Variants in KAZN observed in about 807,000 individuals in gnomAD.
The protein encoded by KAZN is kazrin, periplakin interacting protein.
KAZN carries 40 observed loss-of-function variants against 87.4 expected under a neutral mutation model. That is an observed-to-expected ratio of 0.46 (90% confidence interval 0.36 to 0.60). The LOEUF is 0.60. Among genes scored for constraint, KAZN ranks in the 20% least tolerant of loss-of-function variants. The pLI is 0.00. For missense variants in KAZN, 898 were observed against 1,073.9 expected (o/e 0.84, Z 2.29); for synonymous variants, 466 against 458.3 (o/e 1.02, Z -0.22).
chr1:14,865,353 G>T (rs1651330877), intron 1 of KAZN, among the ~76,000 whole-genome samples: 1 of 152,184 alleles, frequency 6.6e-6, no homozygotes, highest in East Asian at 1.9e-4. Context: ...AAGTTCATTT[G>T]TGCTTTTAAT....
At chr1:14,830,974 C>T (rs1647033535) in intron 1 of KAZN, among the ~76,000 whole-genome samples, 2 of 152,226 alleles carry the variant, frequency 1.3e-5, no homozygotes, top group Non-Finnish European at 2.9e-5. Context: ...CCCCCAGCTC[C>T]AGCCCTTCTC....
intron 2 of KAZN, among the ~76,000 whole-genome samples, chr1:14,327,559 C>T (rs1307590727): frequency 1.3e-5 from 2 of 152,176 alleles, no homozygotes; most frequent in Admixed American, 6.5e-5. Flanking sequence ...TTTCTCAATG[C>T]CTAGAGTCTA....
chr1:14,884,207 C>T (rs1653794569), intron 1 of KAZN, among the ~76,000 whole-genome samples: 1 of 152,078 alleles, frequency 6.6e-6, no homozygotes, highest in African/African-American at 2.4e-5. Flanking sequence ...TCCTGGCCAA[C>T]ATGGTGGAAC....
intron 1 of KAZN, among the ~76,000 whole-genome samples, chr1:14,936,372 G>C (rs1309833090): frequency 6.6e-6 from 1 of 152,194 alleles, no homozygotes; most frequent in Non-Finnish European, 1.5e-5. Flanking sequence ...GGATGCTGGT[G>C]AAGACAGACC....
At chr1:14,030,323 C>T (rs12091637) in intron 1 of KAZN, among the ~76,000 whole-genome samples, 4,870 of 150,428 alleles carry the variant, frequency 0.032, 281 homozygotes, top group African/African-American at 0.11. Flanking sequence ...AGTAAACTAT[C>T]GCAAGAACAA....
intron 1 of KAZN, among the ~76,000 whole-genome samples, chr1:14,781,985 ATCACC>A (rs2100648713): frequency 6.6e-6 from 1 of 152,314 alleles, no homozygotes; most frequent in South Asian, 2.1e-4. Context: ...GACAAGTTCT[ATCACC>A]TCCCTGAGCC....
chr1:14,482,666 A>C (rs1424583593), intron 2 of KAZN, among the ~76,000 whole-genome samples: 2 of 151,892 alleles, frequency 1.3e-5, no homozygotes, highest in African/African-American at 4.8e-5. Context: ...TCTTGGGGCA[A>C]GGGCGGGTGA....
At chr1:14,065,247 C>T (rs1409459023) in intron 1 of KAZN, among the ~76,000 whole-genome samples, 2 of 152,072 alleles carry the variant, frequency 1.3e-5, no homozygotes, top group East Asian at 3.9e-4. Context: ...GTCACATGGA[C>T]GGTGAAGGAA....
intron 1 of KAZN, among the ~76,000 whole-genome samples, chr1:13,971,814 G>A (rs1642146951): frequency 6.6e-6 from 1 of 152,148 alleles, no homozygotes; most frequent in Admixed American, 6.5e-5. Context: ...ATAGTGAATT[G>A]TTGTAAGATC....
chr1:14,345,552 CTG>C (rs757732557), intron 2 of KAZN, among the ~76,000 whole-genome samples: 1 of 152,198 alleles, frequency 6.6e-6, no homozygotes. Context: ...TTCTTTCACA[CTG>C]TGTCTTTAAA....
chr1:14,978,969 A>G (rs903247772), intron 2 of KAZN, among the ~76,000 whole-genome samples: 2 of 151,870 alleles, frequency 1.3e-5, no homozygotes, highest in Non-Finnish European at 2.9e-5. Flanking sequence ...CAATGGCGCA[A>G]TCTCGGCTCA....
chr1:14,618,241 G>C (rs1402719219), intron 1 of KAZN, among the ~76,000 whole-genome samples: 1 of 152,212 alleles, frequency 6.6e-6, no homozygotes, highest in African/African-American at 2.4e-5. Context: ...CTAGTGATGA[G>C]AGTGAGGATT....
chr1:14,100,840 G>A (rs1032136560), intron 1 of KAZN, among the ~76,000 whole-genome samples: 3 of 152,212 alleles, frequency 2.0e-5, no homozygotes, highest in Non-Finnish European at 4.4e-5. Flanking sequence ...GAGGGACCTG[G>A]TGGGAGGTAA....
At chr1:14,298,866 A>G (rs920428080) in intron 2 of KAZN, among the ~76,000 whole-genome samples, 2 of 152,042 alleles carry the variant, frequency 1.3e-5, no homozygotes, top group African/African-American at 4.8e-5. Context: ...TGAATTCAAC[A>G]TTTTCCCTAC....
intron 1 of KAZN, among the ~76,000 whole-genome samples, chr1:14,819,696 G>GA (rs1294323020): frequency 5.1e-5 from 7 of 137,008 alleles, no homozygotes; most frequent in South Asian, 2.4e-4. Flanking sequence ...CAATTCCTTT[G>GA]AAAAAAAATC....
At chr1:14,286,228 A>C (rs6683535) in intron 2 of KAZN, among the ~76,000 whole-genome samples, 140,776 of 152,046 alleles carry the variant, frequency 0.93, 65,708 homozygotes, top group African/African-American at 0.98. Flanking sequence ...AGATGGCTAC[A>C]TTCTCCCCGT....
chr1:14,404,035 A>G (rs1206208145), intron 2 of KAZN, among the ~76,000 whole-genome samples: 1 of 152,190 alleles, frequency 6.6e-6, no homozygotes, highest in African/African-American at 2.4e-5. Context: ...ATAGGGCACA[A>G]AAGATTGATC....
intron 2 of KAZN, among the ~76,000 whole-genome samples, chr1:15,006,497 A>T (rs1669014858): frequency 6.6e-6 from 1 of 152,234 alleles, no homozygotes; most frequent in South Asian, 2.1e-4. Context: ...TCCCGTCATC[A>T]TATTTTATCC....
At chr1:14,938,698 G>A (rs555551418) in intron 1 of KAZN, among the ~76,000 whole-genome samples, 11 of 152,216 alleles carry the variant, frequency 7.2e-5, no homozygotes, top group African/African-American at 2.4e-4. Flanking sequence ...GCATCTGCCC[G>A]GGCTTTGCTC....
Sources: allele counts gnomAD v4.1 joint callset (sites outside exome capture counted in the v4.1 genomes callset), GRCh38; gene constraint gnomAD v4.1.1; transcripts MANE v1.5; gene names NCBI Gene and HGNC (gene_info 2026-07-23, HGNC 2026-07-21).